RNASET2: variants seen among roughly 807,000 people sequenced by gnomAD.
RNASET2 encodes the protein ribonuclease T2.
RNASET2 carries 28 observed loss-of-function variants against 33.9 expected under a neutral mutation model. The ratio of observed to expected loss-of-function variants is 0.83; its 90% CI spans 0.61 to 1.13. The LOEUF is 1.13. RNASET2 is among the 50% of genes most tolerant of loss of function. The probability of loss-of-function intolerance (pLI) is 0.00; values close to 1 mark genes in which losing one functional copy is unlikely to be tolerated. For synonymous variants in RNASET2, 123 were observed against 121.0 expected, an observed-to-expected ratio of 1.02 and a Z score of -0.11; for missense variants, 330 against 319.9, an observed-to-expected ratio of 1.03 and a Z score of -0.24.
At position 166,923,412 on chromosome 6, in the gene RNASET2, G is replaced by A. The variant is rs1778262426; in HGVS notation, c.*6176C>T. ...CTAATGTATTTTTAGTAGAGATAGGGTTTCGTCCTGTTGGCCAGGGTGGTC... is the reference window on the plus strand; with the variant it reads ...CTAATGTATTTTTAGTAGAGATAGGATTTCGTCCTGTTGGCCAGGGTGGTC... On this transcript the variant is annotated 3_prime_UTR_variant, in exon 9 of 9. Coordinates refer to ENST00000508775, the MANE Select transcript of RNASET2 (RefSeq NM_003730.6). Among the ~76,000 whole-genome samples, 1 of 151,808 alleles carries A rather than the reference G, an allele frequency of 6.6e-6. No individual in the cohort carries two copies. Among genetic ancestry groups the A allele is most frequent in the Non-Finnish European group, 1.5e-5 (1 of 67,986 alleles).
At chr6:166,941,441 T>A (rs1778689624) in intron 5 of RNASET2, among the ~76,000 whole-genome samples, 1 of 152,256 alleles carries the variant, frequency 6.6e-6, no homozygotes, top group African/African-American at 2.4e-5. Flanking sequence ...TGAAGTACAC[T>A]GTGAAGTGAC....
rs1461113351 is a variant in RNASET2, at chr6:166,925,637, C to T, written c.*3951G>A. On this transcript the variant is annotated 3_prime_UTR_variant, in exon 9 of 9. Transcript: ENST00000508775. ...ACTGTACGGCCCTCCCCTGTGCCAT[C>T]CAGCTGGCATCTTCTATGTAACACA... 6.6e-6 allele frequency among the ~76,000 whole-genome samples: 1 copy of T among 152,240 alleles called. No individual in the cohort carries two copies. Among genetic ancestry groups the T allele is most frequent in the African/African-American group, 2.4e-5 (1 of 41,454 alleles).
In RNASET2 at chr6:166,955,181, A is replaced by G. The variant is rs528170088; in HGVS notation, c.86+916T>C. Among the ~76,000 whole-genome samples, 410 of 127,146 alleles carry G rather than the reference A, an allele frequency of 3.2e-3. 3 individuals are homozygous for G. Among genetic ancestry groups the G allele is most frequent in the Middle Eastern group, 0.011 (3 of 274 alleles). 83.4% of individuals were successfully genotyped at this position (127,146 alleles called of 152,430 possible). ...TAATTAATTTGGGCGGCTGCCACAC[A>G]CACACACGCACACACGCACGCACAC... On this transcript the variant is annotated intron_variant, in intron 1 of 8. Transcript: ENST00000508775.
At chr6:166,937,062 A>C (rs1483753461) in intron 6 of RNASET2, among the ~76,000 whole-genome samples, 2 of 152,170 alleles carry the variant, frequency 1.3e-5, no homozygotes, top group Non-Finnish European at 2.9e-5. Context: ...GTCTTTCAGC[A>C]ATGTCAGACT....
chr6:166,922,463 T>C lies in RNASET2; in HGVS notation c.*7125A>G, dbSNP rs1015271279. On this transcript the variant is annotated 3_prime_UTR_variant, in exon 9 of 9. Coordinates refer to ENST00000508775, the MANE Select transcript of RNASET2 (RefSeq NM_003730.6). The stretch of plus-strand genomic sequence containing the variant: ...TCTCAGGTGTATAAAATTTCACTCA[T>C]TGACTTAAGTGGAATGATTAACCTG... Among the ~76,000 whole-genome samples the C allele has an allele frequency of 6.6e-6, 1 of 152,196 alleles. No individual in the cohort carries two copies. Among genetic ancestry groups the C allele is most frequent in the Non-Finnish European group, 1.5e-5 (1 of 68,030 alleles).
intron 4 of RNASET2, among the ~76,000 whole-genome samples, chr6:166,946,177 C>T (rs1354759208): frequency 6.6e-6 from 1 of 152,234 alleles, no homozygotes; most frequent in Middle Eastern, 3.2e-3. Context: ...TTTCTTTAAT[C>T]AAGCTCTTGT....
At chr6:166,940,427 A>C (rs1778667791) in intron 5 of RNASET2, among the ~76,000 whole-genome samples, 1 of 152,244 alleles carries the variant, frequency 6.6e-6, no homozygotes, top group South Asian at 2.1e-4. Context: ...AACTGTCTTC[A>C]TCTAGAAGCC....
intron 6 of RNASET2, among the ~76,000 whole-genome samples, chr6:166,935,567 G>A (rs1778546718): frequency 6.6e-6 from 1 of 152,214 alleles, no homozygotes; most frequent in South Asian, 2.1e-4. Context: ...CGTGCCATCA[G>A]CTCATCTGTG....
Position 166,929,485 on chromosome 6 carries a change from A to C in RNASET2, c.*103T>G. 8.1e-7 allele frequency: 1 copy of C among 1,234,390 alleles called. No individual in the cohort carries two copies. Among genetic ancestry groups the C allele is most frequent in the Non-Finnish European group, 1.2e-6 (1 of 839,674 alleles). The allele number at this position is 1,234,390 out of a possible 1,614,324, so 76.5% of individuals were successfully genotyped here. The stretch of plus-strand genomic sequence containing the variant: ...ATCCAATTCACAGGCATGGAGGGGA[A>C]ACAGCAAAATAAACAGACTTCACTT... On this transcript the variant is annotated 3_prime_UTR_variant, in exon 9 of 9. Transcript: ENST00000508775.
intron 6 of RNASET2, among the ~76,000 whole-genome samples, chr6:166,937,966 G>A (rs1000943224): frequency 2.0e-5 from 3 of 152,166 alleles, no homozygotes; most frequent in African/African-American, 4.8e-5. Context: ...TGTGTGAGAC[G>A]ATTTTGTACG....
chr6:166,947,819 A>G (rs927392), intron 3 of RNASET2, among the ~76,000 whole-genome samples: 146,426 of 152,304 alleles, frequency 0.96, 70,444 homozygotes, highest in East Asian at 1. Context: ...TGGGGCGATT[A>G]ATGTGCACAG....
At chr6:166,956,025 C>T in intron 1 of RNASET2, 72 bp downstream of exon 1, 1 of 1,427,946 alleles carries the variant, frequency 7.0e-7, no homozygotes, top group Non-Finnish European at 9.7e-7. Context: ...CCGAGAGCTG[C>T]AGCCTTCACC....
rs140051044 is a variant in RNASET2, at chr6:166,922,396, C to CAA, written c.*7190_*7191dup. Among the ~76,000 whole-genome samples, 8 of 151,998 alleles carry CAA rather than the reference C, an allele frequency of 5.3e-5. No homozygotes were observed. Among genetic ancestry groups the CAA allele is most frequent in the Non-Finnish European group, 1.0e-4 (7 of 68,010 alleles). On this transcript the variant is annotated 3_prime_UTR_variant, in exon 9 of 9. Coordinates refer to ENST00000508775, the MANE Select transcript of RNASET2 (RefSeq NM_003730.6). ...CACTGACCATCCCCCGGCTCCCCAT[C>CAA]AAAAAAACCACTTGATTTCCAGGAA... is the stretch of plus-strand genomic sequence containing the variant.
In RNASET2 at chr6:166,925,587, C is replaced by T. The variant is rs1050537877; in HGVS notation, c.*4001G>A. On this transcript the variant is annotated 3_prime_UTR_variant, in exon 9 of 9. Transcript: ENST00000508775. ...CACTGTCTCTGCTGTCCAGTCCTCACCTATGCCACATTGTCCGCATCTACA... is the reference window on the plus strand; with the variant it reads ...CACTGTCTCTGCTGTCCAGTCCTCATCTATGCCACATTGTCCGCATCTACA... Among the ~76,000 whole-genome samples the T allele has an allele frequency of 3.9e-5, 6 of 151,972 alleles. No homozygotes were observed. Among genetic ancestry groups the T allele is most frequent in the Non-Finnish European group, 7.4e-5 (5 of 67,980 alleles).
At position 166,923,571 on chromosome 6, in the gene RNASET2, C is replaced by CT. The variant is rs1178811151; in HGVS notation, c.*6016dup. ...TCTGAGCCTAAAATGCTAATTCTGT[C>CT]TTTTTTGTCTAAAATAAATGGAAGG... is the stretch of plus-strand genomic sequence containing the variant. On this transcript the variant is annotated 3_prime_UTR_variant, in exon 9 of 9. Transcript: ENST00000508775. 6.6e-6 allele frequency among the ~76,000 whole-genome samples: 1 copy of CT among 151,732 alleles called. No homozygotes were observed. The highest frequency in any genetic ancestry group is 2.4e-5 in the African/African-American group (1 of 41,240).
chr6:166,942,235 T>C lies in RNASET2; in HGVS notation c.332+784A>G, dbSNP rs184378199. Among the ~76,000 whole-genome samples, 491 of 152,146 alleles carry C rather than the reference T, an allele frequency of 3.2e-3. 1 individual carries two copies. The highest frequency in any genetic ancestry group is 6.1e-3 in the Non-Finnish European group (414 of 67,986). On this transcript the variant is annotated intron_variant, in intron 5 of 8. Coordinates refer to ENST00000508775, the MANE Select transcript of RNASET2 (RefSeq NM_003730.6). ...GCCCAGCTAATTTTTGTATTTTTAG[T>C]AGAGATGGGGTTTTGCCATGTTGGC...
Position 166,950,626 on chromosome 6 carries a change from C to A in RNASET2, c.147+1862G>T, listed in dbSNP as rs1778960728. Among the ~76,000 whole-genome samples, 4 of 152,242 alleles carry A rather than the reference C, an allele frequency of 2.6e-5. No individual in the cohort carries two copies. The South Asian group carries it at 8.3e-4, about 32-fold the overall frequency. On this transcript the variant is annotated intron_variant, in intron 2 of 8. Coordinates refer to ENST00000508775, the MANE Select transcript of RNASET2 (RefSeq NM_003730.6). The stretch of plus-strand genomic sequence containing the variant: ...AATGCACACCAGGGTCAGCTTGACA[C>A]ACCGAGCAGGGTACGCCCTGAGGTG...
Position 166,955,327 on chromosome 6 carries a change from GCACGCACGCACACGCA to G in RNASET2, c.86+754_86+769del, listed in dbSNP as rs1334934135. 1.7e-4 allele frequency among the ~76,000 whole-genome samples: 10 copies of G among 57,590 alleles called. 1 individual carries two copies. Among genetic ancestry groups the G allele is most frequent in the African/African-American group, 8.6e-4 (9 of 10,520 alleles). The allele number at this position is 57,590 out of a possible 152,430, so 37.8% of individuals were successfully genotyped here. A position where few individuals can be genotyped will look rare whatever the true frequency, so the allele number is the denominator to read the frequency against. ...ACACACGACACACACGCACACACAC[GCACGCACGCACACGCA>G]CACGCACGCACACACACACGCACAC... On this transcript the variant is annotated intron_variant, in intron 1 of 8. Transcript: ENST00000508775.
chr6:166,943,374 A>C, intron 4 of RNASET2: 1 of 371,208 alleles, frequency 2.7e-6, no homozygotes, highest in Non-Finnish European at 5.2e-6. Flanking sequence ...ACAAAAACCA[A>C]TGAGCCGTCG....
Sources: allele counts gnomAD v4.1 joint callset (sites outside exome capture counted in the v4.1 genomes callset), GRCh38; gene constraint gnomAD v4.1.1; transcripts MANE v1.5; gene names NCBI Gene and HGNC (gene_info 2026-07-23, HGNC 2026-07-21).